The following IQSEC3 variants were observed in gnomAD, a reference collection of about 807,000 sequenced individuals.
The protein encoded by IQSEC3 is IQ motif and SEC7 domain-containing protein 3.
A neutral mutation model predicts 105.4 loss-of-function variants in IQSEC3; 50 were observed. The observed-to-expected ratio is 0.47, with a 90% CI of 0.38 to 0.60. IQSEC3 has a LOEUF of 0.60. IQSEC3 is among the 20% of genes least tolerant of loss of function. IQSEC3 has a pLI of 0.00. For synonymous variants in IQSEC3, 708 were observed against 746.0 expected, an observed-to-expected ratio of 0.95 and a Z score of 0.83; for missense variants, 1,415 against 1,630.0, an observed-to-expected ratio of 0.87 and a Z score of 2.27.
At chr12:87,738 G>C (rs1472611205) in intron 1 of IQSEC3, among the ~76,000 whole-genome samples, 3 of 152,178 alleles carry the variant, frequency 2.0e-5, no homozygotes, top group Admixed American at 6.5e-5. Context: ...AAGACCAGTG[G>C]GGGAGGAAAG....
chr12:97,152 G>T (rs984045626), intron 1 of IQSEC3, among the ~76,000 whole-genome samples: 2 of 152,206 alleles, frequency 1.3e-5, no homozygotes, highest in Non-Finnish European at 2.9e-5. Flanking sequence ...GCTCTTTAGG[G>T]TTCTCGTTCT....
At chr12:116,830 A>AG (rs1428995826) in intron 2 of IQSEC3, among the ~76,000 whole-genome samples, 4 of 152,298 alleles carry the variant, frequency 2.6e-5, no homozygotes, top group Middle Eastern at 3.4e-3. Context: ...TGTAAAGACA[A>AG]GGGGGGCGTT....
Position 152,112 on chromosome 12 carries a change from C to G in IQSEC3, c.2154-4913C>G, listed in dbSNP as rs374655711. Among the ~76,000 whole-genome samples the G allele has an allele frequency of 2.0e-4, 31 of 151,952 alleles. 2 individuals carry two copies. The highest frequency in any genetic ancestry group is 9.8e-4 in the Admixed American group (15 of 15,250). On this transcript the variant is annotated intron_variant, in intron 5 of 13. Transcript: ENST00000538872. This position sits in a 1 kb window ranked among gnomAD's most constrained non-coding sequence, Gnocchi z 4.8. ...CAGGTCCCGAGCACAGCCTTGCACA[C>G]GGGGCCACTCAGTGCTCGTTGCTGA...
At chr12:102,558 C>T (rs1555076477) in intron 2 of IQSEC3, among the ~76,000 whole-genome samples, 1 of 152,234 alleles carries the variant, frequency 6.6e-6, no homozygotes, top group East Asian at 1.9e-4. Flanking sequence ...AGAGGAAAGT[C>T]TGCTCCCTCC....
In IQSEC3 at chr12:138,148, C is replaced by G. The variant is rs1229358536; in HGVS notation, c.904-119C>G. The G allele has an allele frequency of 1.4e-5, 13 of 898,862 alleles. No homozygotes were observed. Among genetic ancestry groups the G allele is most frequent in the Admixed American group, 2.7e-5 (1 of 37,480 alleles). The allele number at this position is 898,862 out of a possible 1,614,324, so 55.7% of individuals were successfully genotyped here. The stretch of plus-strand genomic sequence containing the variant: ...ACTTTAGCTGCCCAGGAGCGCCCCC[C>G]CGCCCCCGTCCATTCCTGGGCCCCA... On this transcript the variant is annotated intron_variant, in intron 3 of 13. Transcript: ENST00000538872. This position sits in a 1 kb window ranked among gnomAD's most constrained non-coding sequence, Gnocchi z 7.1.
In IQSEC3 at chr12:138,185, C is replaced by A; in HGVS notation, c.904-82C>A. 5 of 1,291,684 alleles carry A rather than the reference C, an allele frequency of 3.9e-6. No homozygotes were observed. The highest frequency in any genetic ancestry group is 2.2e-6 in the Non-Finnish European group (2 of 926,720). The allele number at this position is 1,291,684 out of a possible 1,614,324, so 80.0% of individuals were successfully genotyped here. A position where few individuals can be genotyped will look rare whatever the true frequency, so the allele number is the denominator to read the frequency against. On this transcript the variant is annotated intron_variant, in intron 3 of 13. Transcript: ENST00000538872. The surrounding 1 kb of genome is among the most constrained non-coding windows in gnomAD (Gnocchi z 7.1). ...ATTCCTGGGCCCCACCCGAGTGTGG[C>A]CGGGTGACTCCACCACTCCTCAGAA...
intron 1 of IQSEC3, among the ~76,000 whole-genome samples, chr12:92,830 C>A (rs1257387420): frequency 6.6e-6 from 1 of 152,212 alleles, no homozygotes; most frequent in Non-Finnish European, 1.5e-5. Flanking sequence ...GAAGCAGGTT[C>A]TGAGAACAGC....
chr12:141,377 C>T, intron 5 of IQSEC3, 92 bp downstream of exon 5: 1 of 1,339,534 alleles, frequency 7.5e-7, no homozygotes, highest in Non-Finnish European at 1.0e-6. Context: ...AATCCTCGCT[C>T]CAGTTCTAAC....
chr12:131,039 C>G (rs2368833), intron 3 of IQSEC3, among the ~76,000 whole-genome samples: 2 of 35,182 alleles, frequency 5.7e-5, no homozygotes, highest in East Asian at 9.7e-4. Context: ...CACCTGGCCC[C>G]CGCTCCTCAG....
chr12:93,229 T>G (rs1864146747), intron 1 of IQSEC3, among the ~76,000 whole-genome samples: 1 of 152,152 alleles, frequency 6.6e-6, no homozygotes, highest in Non-Finnish European at 1.5e-5. Flanking sequence ...CCCCCAAAGC[T>G]TCACTGGGGT....
At chr12:126,999 AGGAATGTGT>A in intron 3 of IQSEC3, among the ~76,000 whole-genome samples, 2 of 152,334 alleles carry the variant, frequency 1.3e-5, no homozygotes, top group Middle Eastern at 6.8e-3. Context: ...TGCACATGCC[AGGAATGTGT>A]GGATTACTAA....
At chr12:169,246 T>C (rs1938840135) in intron 12 of IQSEC3, 141 bp downstream of exon 12, 2 of 656,628 alleles carry the variant, frequency 3.0e-6, no homozygotes, top group East Asian at 5.4e-5. Flanking sequence ...AGGCTTGCCT[T>C]CTTTAATCTC....
At chr12:160,451 A>T (rs193050326) in intron 7 of IQSEC3, among the ~76,000 whole-genome samples, 3 of 152,280 alleles carry the variant, frequency 2.0e-5, no homozygotes, top group Admixed American at 1.3e-4. Flanking sequence ...GTTGCCCAGA[A>T]TGTATGATTC....
At chr12:125,496 A>G (rs1217771940) in intron 2 of IQSEC3, 137 bp from the exon 3 acceptor site, 2 of 833,928 alleles carry the variant, frequency 2.4e-6, no homozygotes, top group African/African-American at 3.6e-5. Context: ...CCTAGAGGAG[A>G]CTGTGAAAGA....
chr12:76,533 C>T (rs2136871506), intron 1 of IQSEC3, among the ~76,000 whole-genome samples: 1 of 152,410 alleles, frequency 6.6e-6, no homozygotes, highest in East Asian at 1.9e-4. Flanking sequence ...GCCATCAGCA[C>T]TCCCAGTTCC....
intron 9 of IQSEC3, 79 bp downstream of exon 9, chr12:163,698 A>T (rs1399246888): frequency 7.0e-6 from 6 of 859,656 alleles, no homozygotes; most frequent in Non-Finnish European, 1.2e-5. Context: ...GGGTCCCTGA[A>T]GTGGGCAGGA....
Position 165,534 on chromosome 12 carries a change from G to GT in IQSEC3, c.2809+2dup. The GT allele has an allele frequency of 6.2e-7, 1 of 1,612,986 alleles. No homozygotes were observed. The highest frequency in any genetic ancestry group is 8.5e-7 in the Non-Finnish European group (1 of 1,178,972). ...CAGTTCCAGCTCTTTGAGAACGAGTGTAAGTCTTTGACAGCCAGTGTAAGT... is the reference window on the plus strand; with the variant it reads ...CAGTTCCAGCTCTTTGAGAACGAGTGTTAAGTCTTTGACAGCCAGTGTAAGT... On this transcript the variant is annotated splice_donor_variant, in intron 10 of 13. Transcript: ENST00000538872. LOFTEE classifies it high-confidence loss of function.
At chr12:137,965 T>C (rs1865836477) in intron 3 of IQSEC3, among the ~76,000 whole-genome samples, 1 of 151,978 alleles carries the variant, frequency 6.6e-6, no homozygotes, top group Non-Finnish European at 1.5e-5. Flanking sequence ...CGCCCGGCCA[T>C]GAACATTTTG....
At chr12:80,796 G>A (rs1863718735) in intron 1 of IQSEC3, among the ~76,000 whole-genome samples, 1 of 152,170 alleles carries the variant, frequency 6.6e-6, no homozygotes, top group Admixed American at 6.5e-5. Flanking sequence ...TTTCAAACTG[G>A]GTGCCCTGGG....
Sources: gnomAD v4.1 joint callset for allele counts (sites outside exome capture counted in the v4.1 genomes callset) on GRCh38, gnomAD v4.1.1 for gene constraint, Gnocchi (gnomAD v3.1) non-coding constraint, MANE v1.5 for transcripts, NCBI Gene and HGNC (gene_info 2026-07-23, HGNC 2026-07-21) for gene names.